FUT9: variants seen among roughly 807,000 people sequenced by gnomAD.
FUT9 encodes the protein fucosyltransferase 9, also known as 4-galactosyl-N-acetylglucosaminide 3-alpha-L-fucosyltransferase 9.
Under a neutral mutation model 29.7 loss-of-function variants are expected in FUT9, and 15 were observed. The observed-to-expected ratio is 0.51, with a 90% CI of 0.34 to 0.78. FUT9 has a LOEUF of 0.78. Among genes scored for constraint, FUT9 ranks in the 30% least tolerant of loss-of-function variants. FUT9 has a pLI of 0.01. For missense variants in FUT9, 319 were observed against 425.4 expected (o/e 0.75, Z 2.20); for synonymous variants, 169 against 153.7 (o/e 1.10, Z -0.74).
intron 1 of FUT9, among the ~76,000 whole-genome samples, chr6:96,095,686 C>T (rs1267980548): frequency 6.6e-6 from 1 of 152,006 alleles, no homozygotes; most frequent in Non-Finnish European, 1.5e-5. Context: ...TATATGTTGT[C>T]CTGCCCCAGC....
intron 1 of FUT9, among the ~76,000 whole-genome samples, chr6:96,045,942 T>C (rs912323527): frequency 1.3e-5 from 2 of 152,210 alleles, no homozygotes; most frequent in Non-Finnish European, 1.5e-5. Context: ...AAATGCACCA[T>C]GAGGTAGGGT....
At chr6:96,030,691 A>G (rs997788134) in intron 1 of FUT9, among the ~76,000 whole-genome samples, 7 of 151,696 alleles carry the variant, frequency 4.6e-5, no homozygotes, top group Admixed American at 2.6e-4. Context: ...TTAAGTGTGA[A>G]TGAATACCCA....
chr6:96,032,237 T>C (rs2127927100), intron 1 of FUT9, among the ~76,000 whole-genome samples: 1 of 151,790 alleles, frequency 6.6e-6, no homozygotes, highest in East Asian at 1.9e-4. Context: ...GTTACTGATT[T>C]TATTGAATGA....
At chr6:96,185,137 C>A (rs1381158886) in intron 2 of FUT9, among the ~76,000 whole-genome samples, 1 of 115,468 alleles carries the variant, frequency 8.7e-6, no homozygotes, top group Admixed American at 9.3e-5. Flanking sequence ...TCCTCCTCAA[C>A]AATATTTTTA....
rs768097108 is a variant in FUT9, at chr6:96,203,137, C to G, written c.-8-11C>G. 16 of 1,570,590 alleles carry G rather than the reference C, an allele frequency of 1.0e-5. No individual in the cohort carries two copies. The highest frequency in any genetic ancestry group is 1.7e-4 in the Middle Eastern group (1 of 5,896). On this transcript the variant is annotated splice_polypyrimidine_tract_variant and intron_variant, in intron 2 of 2. Coordinates refer to ENST00000302103, the MANE Select transcript of FUT9 (RefSeq NM_006581.4). The stretch of plus-strand genomic sequence containing the variant: ...CCGCTACCTCCCCTTCTGTCTTTCT[C>G]TATTTCGTAGGAAAAATTATGACAT...
intron 2 of FUT9, among the ~76,000 whole-genome samples, chr6:96,134,250 A>G (rs1232732235): frequency 2.6e-5 from 4 of 151,724 alleles, no homozygotes; most frequent in African/African-American, 7.2e-5. Context: ...GTGCACATAT[A>G]CAGCTAATAA....
intron 2 of FUT9, among the ~76,000 whole-genome samples, chr6:96,152,095 C>T (rs549189897): frequency 9.2e-5 from 14 of 152,106 alleles, no homozygotes; most frequent in Non-Finnish European, 1.8e-4. Flanking sequence ...GAGAGATCAG[C>T]ATTATATTTT....
At chr6:96,065,186 T>C (rs1285329429) in intron 1 of FUT9, among the ~76,000 whole-genome samples, 1 of 152,170 alleles carries the variant, frequency 6.6e-6, no homozygotes, top group African/African-American at 2.4e-5. Context: ...TATAAAAATA[T>C]TCTGAGACTT....
At chr6:96,129,272 A>C (rs1772193491) in intron 2 of FUT9, among the ~76,000 whole-genome samples, 1 of 17,838 alleles carries the variant, frequency 5.6e-5, no homozygotes, top group Admixed American at 1.5e-3. Context: ...CTCAAAAAAA[A>C]AAAAAAAAAA....
chr6:96,130,030 C>T (rs1287892656), intron 2 of FUT9, among the ~76,000 whole-genome samples: 1 of 152,004 alleles, frequency 6.6e-6, no homozygotes, highest in Non-Finnish European at 1.5e-5. Context: ...AATTACACGT[C>T]AGTTGGAAAC....
At chr6:96,160,719 G>A (rs1360453519) in intron 2 of FUT9, among the ~76,000 whole-genome samples, 1 of 152,056 alleles carries the variant, frequency 6.6e-6, no homozygotes, top group African/African-American at 2.4e-5. Flanking sequence ...ATGGAAATAG[G>A]CTTTGGTGAT....
In FUT9 at chr6:96,190,904, A is replaced by G. The variant is rs1276944365; in HGVS notation, c.-8-12244A>G. 2.6e-5 allele frequency among the ~76,000 whole-genome samples: 4 copies of G among 152,094 alleles called. 1 individual carries two copies. The highest frequency in any genetic ancestry group is 9.6e-5 in the African/African-American group (4 of 41,490). The stretch of plus-strand genomic sequence containing the variant: ...GATCATCTGAAGCCTTCTTCTCTCA[A>G]CTTGTCAAAGTCATTCTTTGTCCAG... On this transcript the variant is annotated intron_variant, in intron 2 of 2. Coordinates refer to ENST00000302103, the MANE Select transcript of FUT9 (RefSeq NM_006581.4).
chr6:96,141,175 T>A (rs1238382509), intron 2 of FUT9, among the ~76,000 whole-genome samples: 1 of 152,210 alleles, frequency 6.6e-6, no homozygotes, highest in Non-Finnish European at 1.5e-5. Context: ...TAATGATAAG[T>A]TTCTTCTGAA....
At chr6:96,134,323 C>T (rs1474478123) in intron 2 of FUT9, among the ~76,000 whole-genome samples, 1 of 151,742 alleles carries the variant, frequency 6.6e-6, no homozygotes, top group Non-Finnish European at 1.5e-5. Context: ...TGTCCTGTGA[C>T]TATATCATGG....
chr6:96,178,044 T>G (rs1468755190), intron 2 of FUT9, among the ~76,000 whole-genome samples: 1 of 152,090 alleles, frequency 6.6e-6, no homozygotes, highest in African/African-American at 2.4e-5. Flanking sequence ...TAAGAACAAA[T>G]TCTGGGGTCC....
At chr6:96,194,441 A>G (rs1245793086) in intron 2 of FUT9, among the ~76,000 whole-genome samples, 1 of 152,146 alleles carries the variant, frequency 6.6e-6, no homozygotes, top group East Asian at 1.9e-4. Flanking sequence ...TAGGTGGACC[A>G]CTTAGAAAGA....
chr6:96,153,136 C>T (rs1772709557), intron 2 of FUT9, among the ~76,000 whole-genome samples: 1 of 152,016 alleles, frequency 6.6e-6, no homozygotes, highest in Non-Finnish European at 1.5e-5. Flanking sequence ...AATTGGGGTA[C>T]TTACAAAAAG....
intron 2 of FUT9, among the ~76,000 whole-genome samples, chr6:96,179,684 TTATACA>T (rs1202276026): frequency 3.3e-5 from 5 of 152,098 alleles, no homozygotes; most frequent in Non-Finnish European, 7.4e-5. Flanking sequence ...GATGGAATTC[TTATACA>T]TAAGAACAAT....
At chr6:96,157,336 T>C (rs1013002082) in intron 2 of FUT9, among the ~76,000 whole-genome samples, 1 of 152,186 alleles carries the variant, frequency 6.6e-6, no homozygotes, top group African/African-American at 2.4e-5. Flanking sequence ...ATATGTTAAA[T>C]AAGTATTAAA....
Sources: allele counts gnomAD v4.1 joint callset (sites outside exome capture counted in the v4.1 genomes callset), GRCh38; gene constraint gnomAD v4.1.1; transcripts MANE v1.5; gene names NCBI Gene and HGNC (gene_info 2026-07-23, HGNC 2026-07-21).